The following ADAM7 variants were observed in gnomAD, a reference collection of about 807,000 sequenced individuals.
ADAM7 encodes ADAM metallopeptidase domain 7.
A neutral mutation model predicts 102.9 loss-of-function variants in ADAM7; 97 were observed. The ratio of observed to expected loss-of-function variants is 0.94; its 90% confidence interval spans 0.80 to 1.12. The LOEUF (loss-of-function observed/expected upper bound fraction) is 1.12. ADAM7 is among the 50% of genes most tolerant of loss of function. The probability of loss-of-function intolerance (pLI) is 0.00; values close to 1 mark genes in which losing one functional copy is unlikely to be tolerated. For synonymous variants in ADAM7, 334 were observed against 304.4 expected, an observed-to-expected ratio of 1.10 and a Z score of -1.01; for missense variants, 991 against 908.7, an observed-to-expected ratio of 1.09 and a Z score of -1.16.
intron 20 of ADAM7, among the ~76,000 whole-genome samples, chr8:24,502,770 T>C (rs1339390286): frequency 6.6e-6 from 1 of 152,132 alleles, no homozygotes; most frequent in Non-Finnish European, 1.5e-5. Context: ...CATATGGCTC[T>C]ACTGGTGAAT....
intron 20 of ADAM7, among the ~76,000 whole-genome samples, chr8:24,502,892 G>A (rs1304210203): frequency 7.0e-6 from 1 of 142,962 alleles, no homozygotes; most frequent in Admixed American, 7.2e-5. Context: ...TTTCTCTGAT[G>A]CCTACCTATA....
intron 12 of ADAM7, among the ~76,000 whole-genome samples, chr8:24,490,124 G>A (rs1820291106): frequency 6.6e-6 from 1 of 152,116 alleles, no homozygotes; most frequent in Non-Finnish European, 1.5e-5. Flanking sequence ...GGTCTAGTAG[G>A]ACAGCAGTTA....
chr8:24,479,367 T>C (rs1819873700), intron 8 of ADAM7, among the ~76,000 whole-genome samples: 1 of 151,960 alleles, frequency 6.6e-6, no homozygotes, highest in Non-Finnish European at 1.5e-5. Flanking sequence ...GCTATTTTTG[T>C]TTTGTTTTGT....
intron 8 of ADAM7, among the ~76,000 whole-genome samples, chr8:24,480,082 A>G (rs998137516): frequency 6.6e-6 from 1 of 152,134 alleles, no homozygotes; most frequent in African/African-American, 2.4e-5. Context: ...TGTGGAGTGC[A>G]ATGATTACAT....
At chr8:24,469,885 T>A (rs893560083) in intron 7 of ADAM7, among the ~76,000 whole-genome samples, 3 of 152,104 alleles carry the variant, frequency 2.0e-5, no homozygotes, top group African/African-American at 7.2e-5. Flanking sequence ...AACTAGAGAA[T>A]GGAGGATATA....
chr8:24,500,836 C>T lies in ADAM7; in HGVS notation c.2049C>T (p.Ile683=), dbSNP rs200053551. Reference sequence around the variant, plus strand: ...TGCTTGTCCTGGTTATTGTCGGTATCGGAGTTCTTATACTATTAGTTCGTT... The same window carrying T: ...TGCTTGTCCTGGTTATTGTCGGTATTGGAGTTCTTATACTATTAGTTCGTT... ...VVVLVLVIVG[I]GVLILLVRYR... Residue 683 remains isoleucine (I), a synonymous_variant, in exon 19 of 22, where the codon ATC becomes ATT. Transcript: ENST00000175238. 2.2e-5 allele frequency: 36 copies of T among 1,613,264 alleles called. No homozygotes were observed. Among genetic ancestry groups the T allele is most frequent in the East Asian group, 1.1e-4 (5 of 44,828 alleles).
intron 19 of ADAM7, among the ~76,000 whole-genome samples, 176 bp downstream of exon 19, chr8:24,501,071 A>G (rs557059901): frequency 3.9e-5 from 6 of 152,296 alleles, no homozygotes; most frequent in South Asian, 2.1e-4. Context: ...GCTAATATCA[A>G]TGATTCCCAA....
At chr8:24,467,107 T>C (rs1819453438) in intron 6 of ADAM7, 119 bp downstream of exon 6, 4 of 1,001,130 alleles carry the variant, frequency 4.0e-6, no homozygotes, top group Non-Finnish European at 4.4e-6. Flanking sequence ...AGTCTGGCAC[T>C]TCATCTGATA....
At chr8:24,508,461 T>G (rs980008192) in intron 21 of ADAM7, 85 bp from the exon 22 acceptor site, 2 of 1,347,992 alleles carry the variant, frequency 1.5e-6, no homozygotes, top group Non-Finnish European at 2.1e-6. Flanking sequence ...TTATTCTAAT[T>G]AGTAGATATA....
At chr8:24,506,605 G>T (rs1820958031) in intron 20 of ADAM7, among the ~76,000 whole-genome samples, 1 of 152,032 alleles carries the variant, frequency 6.6e-6, no homozygotes, top group Admixed American at 6.6e-5. Flanking sequence ...CACAGCAATG[G>T]TTTTCAGTGA....
chr8:24,466,267 A>G (rs924869385), intron 5 of ADAM7, among the ~76,000 whole-genome samples: 5 of 152,222 alleles, frequency 3.3e-5, no homozygotes, highest in Non-Finnish European at 5.9e-5. Context: ...ATAGTTCTCT[A>G]TAGATCATAG....
intron 2 of ADAM7, among the ~76,000 whole-genome samples, 196 bp downstream of exon 2, chr8:24,442,772 T>G (rs925578667): frequency 1.3e-5 from 2 of 151,670 alleles, no homozygotes; most frequent in Non-Finnish European, 2.9e-5. Context: ...AAGCCTGGGT[T>G]TAGGGAATAC....
chr8:24,496,514 A>C (rs1287515360), intron 16 of ADAM7, among the ~76,000 whole-genome samples: 1 of 152,208 alleles, frequency 6.6e-6, no homozygotes, highest in East Asian at 1.9e-4. Flanking sequence ...ATGTCAGCCC[A>C]TGGAAGCAGC....
intron 7 of ADAM7, among the ~76,000 whole-genome samples, chr8:24,475,136 C>T (rs1046345860): frequency 1.3e-5 from 2 of 152,020 alleles, no homozygotes; most frequent in African/African-American, 2.4e-5. Context: ...TGGGAAACAC[C>T]CATCATTAAA....
intron 11 of ADAM7, among the ~76,000 whole-genome samples, chr8:24,488,282 A>G (rs1266998981): frequency 6.6e-6 from 1 of 152,186 alleles, no homozygotes; most frequent in Non-Finnish European, 1.5e-5. Context: ...GAATAAATGA[A>G]TATCCAGCCT....
intron 20 of ADAM7, among the ~76,000 whole-genome samples, chr8:24,505,190 G>A (rs10096245): frequency 0.35 from 53,881 of 151,922 alleles, 10,150 homozygotes; most frequent in African/African-American, 0.45. Context: ...AAATTAATAC[G>A]TTAAAATAGG....
chr8:24,506,577 C>T (rs558308985), intron 20 of ADAM7, among the ~76,000 whole-genome samples: 73 of 152,230 alleles, frequency 4.8e-4, no homozygotes, highest in Non-Finnish European at 6.6e-4. Flanking sequence ...GTCCTGGCCC[C>T]TGTTCTAAAA....
intron 8 of ADAM7, among the ~76,000 whole-genome samples, chr8:24,480,570 TTA>T (rs1392010016): frequency 6.6e-6 from 1 of 152,206 alleles, no homozygotes; most frequent in Non-Finnish European, 1.5e-5. Context: ...GGCTTTTATT[TTA>T]TATGTTCTTA....
intron 7 of ADAM7, among the ~76,000 whole-genome samples, chr8:24,470,156 T>C (rs4872239): frequency 0.28 from 43,256 of 151,980 alleles, 6,755 homozygotes; most frequent in South Asian, 0.4. Context: ...AGATTGACTA[T>C]AAGTAAATCA....
Sources: gnomAD v4.1 joint callset for allele counts (sites outside exome capture counted in the v4.1 genomes callset) on GRCh38, gnomAD v4.1.1 for gene constraint, MANE v1.5 for transcripts, NCBI Gene and HGNC (gene_info 2026-07-23, HGNC 2026-07-21) for gene names.